The following FARP1 variants were observed in gnomAD, a reference collection of about 807,000 sequenced individuals.
FARP1 encodes the protein FERM, ARH/RhoGEF and pleckstrin domain protein 1.
FARP1 carries 52 observed loss-of-function variants against 128.8 expected under a neutral mutation model. The ratio of observed to expected loss-of-function variants is 0.40; its 90% CI spans 0.32 to 0.51. The LOEUF is 0.51. FARP1 is among the 20% of genes least tolerant of loss of function. FARP1 has a pLI of 0.45. For missense variants in FARP1, 1,333 were observed against 1,367.9 expected, an observed-to-expected ratio of 0.97 and a Z score of 0.40; for synonymous variants, 580 against 551.8, an observed-to-expected ratio of 1.05 and a Z score of -0.72.
intron 1 of FARP1, among the ~76,000 whole-genome samples, chr13:98,180,807 A>T (rs944896348): frequency 4.6e-5 from 7 of 152,148 alleles, no homozygotes; most frequent in Admixed American, 3.9e-4. Context: ...GCTGTGTTGA[A>T]TGAGGAATGG....
intron 2 of FARP1, among the ~76,000 whole-genome samples, chr13:98,223,577 C>T (rs1179026409): frequency 1.3e-5 from 2 of 152,142 alleles, no homozygotes; most frequent in Admixed American, 6.5e-5. Context: ...CCACCCGCCT[C>T]GGCCTCCCAA....
chr13:98,344,319 C>A (rs1432487681), intron 3 of FARP1, among the ~76,000 whole-genome samples: 1 of 151,892 alleles, frequency 6.6e-6, no homozygotes, highest in African/African-American at 2.4e-5. Context: ...TGGATGGATT[C>A]CAGAGGTGGG....
chr13:98,432,320 T>C (rs373961528), intron 18 of FARP1: 1 of 152,252 alleles, frequency 6.6e-6, no homozygotes, highest in Non-Finnish European at 1.5e-5. Context: ...TTAGATCAAT[T>C]GCATTATCCC....
At chr13:98,202,768 G>A (rs1014714043) in intron 1 of FARP1, among the ~76,000 whole-genome samples, 1 of 151,446 alleles carries the variant, frequency 6.6e-6, no homozygotes, top group African/African-American at 2.4e-5. Flanking sequence ...TGCCCGGATT[G>A]GAGTGCAGTG....
At chr13:98,332,451 C>G (rs1887550483) in intron 2 of FARP1, 2 of 152,150 alleles carry the variant, frequency 1.3e-5, no homozygotes, top group African/African-American at 4.8e-5. Flanking sequence ...ACCCCCACCC[C>G]CACTCACTCC....
chr13:98,389,306 A>C (rs926666476), intron 9 of FARP1, among the ~76,000 whole-genome samples: 15 of 152,204 alleles, frequency 9.9e-5, no homozygotes, highest in Non-Finnish European at 4.4e-5. Context: ...AGATCCCCCA[A>C]AATAGTTAGA....
chr13:98,396,474 A>C (rs1441827647), intron 13 of FARP1: 2 of 77,782 alleles, frequency 2.6e-5, no homozygotes, highest in African/African-American at 1.5e-4. Context: ...AGTGAGGAAC[A>C]GGAGGAGGAT....
intron 5 of FARP1, 106 bp downstream of exon 5, chr13:98,368,301 C>A (rs1301184833): frequency 1.2e-6 from 1 of 844,234 alleles, no homozygotes. Flanking sequence ...GTTTACTTGA[C>A]CAGCATCTGT....
intron 18 of FARP1, chr13:98,433,268 C>A (rs9584845): frequency 6.6e-6 from 1 of 152,046 alleles, no homozygotes; most frequent in African/African-American, 2.4e-5. Flanking sequence ...TCTAGAAAAA[C>A]CGTTGTTAAT....
In FARP1 at chr13:98,440,012, G is replaced by A; in HGVS notation, c.2485G>A (p.Gly829Ser). The A allele has an allele frequency of 2.5e-6, 4 of 1,603,664 alleles. No homozygotes were observed. Among genetic ancestry groups the A allele is most frequent in the Non-Finnish European group, 3.4e-6 (4 of 1,172,530 alleles). ...WGVPHCLTLR[G>S]QRQSIIVAAS... is the part of the protein sequence containing the mutation. ...GGTGCCCCACTGCCTGACCCTCCGG[G>A]GCCAGCGGCAGTCCATCATCGTGGC... The change falls in exon 22 of 27, where the codon GGC (glycine) becomes AGC (serine). Residue 829 changes from glycine (G) to serine (S), a missense_variant. Physicochemically the swap from Gly to Ser is moderately conservative, Grantham distance 56. Coordinates refer to ENST00000319562, the MANE Select transcript of FARP1 (RefSeq NM_005766.4).
rs1490513400 is a variant in FARP1 at position 98,453,984 on chromosome 13, G to C, written c.*5667G>C. 1 of 152,160 alleles carries C rather than the reference G, an allele frequency of 6.6e-6. No individual in the cohort carries two copies. Among genetic ancestry groups the C allele is most frequent in the East Asian group, 1.9e-4 (1 of 5,196 alleles). The allele number at this position is 152,160 out of a possible 1,614,324, so 9.4% of individuals were successfully genotyped here. ...TCCGAAATCTGACATGCCCCAGAGA[G>C]CAGTTCCTTTGAGCCCCATGCTGGC... On this transcript the variant is annotated 3_prime_UTR_variant, in exon 27 of 27. Coordinates refer to ENST00000319562, the MANE Select transcript of FARP1 (RefSeq NM_005766.4).
At chr13:98,190,529 T>C (rs1879150345) in intron 1 of FARP1, among the ~76,000 whole-genome samples, 1 of 151,938 alleles carries the variant, frequency 6.6e-6, no homozygotes, top group Non-Finnish European at 1.5e-5. Context: ...AGCTGGGAAA[T>C]GGGTAATAAG....
chr13:98,385,513 AG>A (rs1392197867), intron 7 of FARP1, among the ~76,000 whole-genome samples, 153 bp from the exon 8 acceptor site: 1 of 152,236 alleles, frequency 6.6e-6, no homozygotes, highest in African/African-American at 2.4e-5. Flanking sequence ...TTTGGGTTAC[AG>A]TGAATGGGAG....
chr13:98,348,971 A>G (rs1211052990), intron 3 of FARP1, among the ~76,000 whole-genome samples: 1 of 152,208 alleles, frequency 6.6e-6, no homozygotes, highest in Non-Finnish European at 1.5e-5. Context: ...CTCTTAGCTA[A>G]AGCTCATGTT....
chr13:98,281,324 G>A (rs890487991), intron 2 of FARP1, among the ~76,000 whole-genome samples: 4 of 151,998 alleles, frequency 2.6e-5, no homozygotes, highest in Admixed American at 2.6e-4. Flanking sequence ...CTGAGATCGT[G>A]CCACTGTTCT....
chr13:98,147,604 AGTTTTT>A (rs1416675736), intron 1 of FARP1, among the ~76,000 whole-genome samples: 1 of 151,838 alleles, frequency 6.6e-6, no homozygotes, highest in Non-Finnish European at 1.5e-5. Flanking sequence ...GATGACTTTC[AGTTTTT>A]GTTCTTGTTC....
At chr13:98,315,394 C>T (rs1159096950) in intron 2 of FARP1, among the ~76,000 whole-genome samples, 2 of 152,140 alleles carry the variant, frequency 1.3e-5, no homozygotes, top group African/African-American at 2.4e-5. Context: ...TATGAGCACC[C>T]CTCCCAGACA....
intron 17 of FARP1, among the ~76,000 whole-genome samples, chr13:98,429,362 C>G (rs1220189015): frequency 1.3e-5 from 2 of 152,150 alleles, no homozygotes; most frequent in Non-Finnish European, 1.5e-5. Flanking sequence ...GCGTCAATGC[C>G]AGAGAGGTCA....
intron 2 of FARP1, among the ~76,000 whole-genome samples, chr13:98,257,879 C>T (rs1353741084): frequency 3.9e-5 from 6 of 152,232 alleles, no homozygotes; most frequent in East Asian, 1.9e-4. Context: ...TTGAAAACAA[C>T]GCATAGATGT....
Sources: gnomAD v4.1 joint callset for allele counts (sites outside exome capture counted in the v4.1 genomes callset) on GRCh38, gnomAD v4.1.1 for gene constraint, MANE v1.5 for transcripts, NCBI Gene and HGNC (gene_info 2026-07-23, HGNC 2026-07-21) for gene names.